Variants in AGAP1 observed in about 807,000 individuals in gnomAD.
AGAP1 encodes the protein ArfGAP with GTPase domain, ankyrin repeat and PH domain 1.
Under a neutral mutation model 105.3 loss-of-function variants are expected in AGAP1, and 29 were observed. That is an observed-to-expected ratio of 0.28 (90% CI 0.21 to 0.38). The LOEUF (loss-of-function observed/expected upper bound fraction) is 0.38. AGAP1 is among the 10% of genes least tolerant of loss of function. The pLI is 1.00. For missense variants in AGAP1, 998 were observed against 1,165.1 expected, an observed-to-expected ratio of 0.86 and a Z score of 2.09; for synonymous variants, 509 against 485.9, an observed-to-expected ratio of 1.05 and a Z score of -0.63.
At chr2:235,860,475 G>C (rs2048884334) in intron 9 of AGAP1, among the ~76,000 whole-genome samples, 1 of 152,046 alleles carries the variant, frequency 6.6e-6, no homozygotes, top group Non-Finnish European at 1.5e-5. Context: ...TCACATCACA[G>C]ATACGTATTT....
In AGAP1 at chr2:235,610,972, T is replaced by G. The variant is rs2149253794; in HGVS notation, c.164-98207T>G. Among the ~76,000 whole-genome samples the G allele has an allele frequency of 6.6e-6, 1 of 152,252 alleles. No individual in the cohort carries two copies. The highest frequency in any genetic ancestry group is 3.4e-3 in the Middle Eastern group (1 of 294). On this transcript the variant is annotated intron_variant, in intron 1 of 17. Transcript: ENST00000304032. The surrounding 1 kb of genome is among the most constrained non-coding windows in gnomAD (Gnocchi z 4.9). ...GTAGGATGGTTGACTGACGTTAGCT[T>G]GGCTTTCTTCCTAAGGCACCGTCTT... is the stretch of plus-strand genomic sequence containing the variant.
chr2:235,573,034 TTC>T (rs796245013), intron 1 of AGAP1, among the ~76,000 whole-genome samples: 1,175 of 24,212 alleles, frequency 0.049, 74 homozygotes, highest in African/African-American at 0.16. Context: ...CTTCTTCTTC[TTC>T]TTCTTCTTCT....
chr2:235,807,903 G>A (rs1233871583), intron 9 of AGAP1, among the ~76,000 whole-genome samples: 1 of 152,220 alleles, frequency 6.6e-6, no homozygotes, highest in Admixed American at 6.5e-5. Context: ...ATTTACAGCT[G>A]TAATGTGGGG....
At chr2:235,910,284 T>A in intron 11 of AGAP1, among the ~76,000 whole-genome samples, 1 of 152,408 alleles carries the variant, frequency 6.6e-6, no homozygotes, top group Non-Finnish European at 1.5e-5. Flanking sequence ...CCTGCCTGTG[T>A]TGCAGGGGGG....
chr2:235,686,646 GA>G (rs1949442972), intron 1 of AGAP1, among the ~76,000 whole-genome samples: 2 of 18,824 alleles, frequency 1.1e-4, no homozygotes, highest in Non-Finnish European at 2.0e-4. Context: ...TATATATATA[GA>G]TATATATATA....
rs2056841871 is a variant in AGAP1, at chr2:236,020,280, A to G, written c.1646-16281A>G. The stretch of plus-strand genomic sequence containing the variant: ...TAAGCCCCAGTACTCAAGCACCCAG[A>G]TTCTCTCTGTTTTCAAAGAAAATTG... On this transcript the variant is annotated intron_variant, in intron 13 of 17. Transcript: ENST00000304032. The surrounding 1 kb of genome is among the most constrained non-coding windows in gnomAD (Gnocchi z 5.0). 6.6e-6 allele frequency among the ~76,000 whole-genome samples: 1 copy of G among 152,202 alleles called. No homozygotes were observed. The highest frequency in any genetic ancestry group is 2.1e-4 in the South Asian group (1 of 4,828).
At chr2:235,772,795 C>T (rs1320306724) in intron 6 of AGAP1, among the ~76,000 whole-genome samples, 3 of 152,170 alleles carry the variant, frequency 2.0e-5, no homozygotes, top group Non-Finnish European at 2.9e-5. Context: ...AGGCAGAGGC[C>T]GCCCTCGGAG....
intron 13 of AGAP1, among the ~76,000 whole-genome samples, chr2:235,972,422 T>TC (rs766920907): frequency 3.9e-5 from 6 of 152,098 alleles, no homozygotes; most frequent in Non-Finnish European, 8.8e-5. Context: ...GGGATGGGGC[T>TC]CCCCGGCTGG....
At chr2:235,826,404 T>A (rs1218473425) in intron 9 of AGAP1, among the ~76,000 whole-genome samples, 4 of 152,184 alleles carry the variant, frequency 2.6e-5, no homozygotes, top group African/African-American at 9.7e-5. Flanking sequence ...TCTACTTTCG[T>A]CTCCGTTGCT....
rs2055008904 is a variant in AGAP1, at chr2:235,979,686, C to T, written c.1645+11063C>T. 1.3e-5 allele frequency among the ~76,000 whole-genome samples: 2 copies of T among 152,078 alleles called. No individual in the cohort carries two copies. Among genetic ancestry groups the T allele is most frequent in the Admixed American group, 1.3e-4 (2 of 15,254 alleles). ...GCACGTGGGACATGGAGAAAATTGGCCATTTGTCTGTGGGGTAATGGGCTT... is the reference window on the plus strand; with the variant it reads ...GCACGTGGGACATGGAGAAAATTGGTCATTTGTCTGTGGGGTAATGGGCTT... On this transcript the variant is annotated intron_variant, in intron 13 of 17. Transcript: ENST00000304032. The surrounding 1 kb of genome is among the most constrained non-coding windows in gnomAD (Gnocchi z 4.5).
At position 235,720,382 on chromosome 2, in the gene AGAP1, G is replaced by A. The variant is rs11694745; in HGVS notation, c.310+2738G>A. On this transcript the variant is annotated intron_variant, in intron 3 of 17. Coordinates refer to ENST00000304032, the MANE Select transcript of AGAP1 (RefSeq NM_001037131.3). This position sits in a 1 kb window ranked among gnomAD's most constrained non-coding sequence, Gnocchi z 5.0. Reference sequence around the variant, plus strand: ...ACTATCAAAGGGATGTGTTGTCCTCGGGGAGTGCTGGAGGCTGACAAAGCT... The same window carrying A: ...ACTATCAAAGGGATGTGTTGTCCTCAGGGAGTGCTGGAGGCTGACAAAGCT... 7.9e-5 allele frequency among the ~76,000 whole-genome samples: 12 copies of A among 152,190 alleles called. No homozygotes were observed. Among genetic ancestry groups the A allele is most frequent in the Admixed American group, 2.0e-4 (3 of 15,290 alleles).
In AGAP1 at chr2:235,551,310, G is replaced by C. The variant is rs1304600005; in HGVS notation, c.163+56461G>C. On this transcript the variant is annotated intron_variant, in intron 1 of 17. Transcript: ENST00000304032. The surrounding 1 kb of genome is among the most constrained non-coding windows in gnomAD (Gnocchi z 4.8). Reference sequence around the variant, plus strand: ...AGGGTGAGGAGAGAGGGGCTAGACAGATTTTTTTTTTTGAGACAAGGTCTC... The same window carrying C: ...AGGGTGAGGAGAGAGGGGCTAGACACATTTTTTTTTTTGAGACAAGGTCTC... Among the ~76,000 whole-genome samples the C allele has an allele frequency of 6.7e-6, 1 of 149,744 alleles. No homozygotes were observed. The highest frequency in any genetic ancestry group is 1.5e-5 in the Non-Finnish European group (1 of 67,946).
chr2:236,067,657 T>G (rs1407993410), intron 16 of AGAP1, among the ~76,000 whole-genome samples: 2 of 152,232 alleles, frequency 1.3e-5, no homozygotes, highest in Admixed American at 6.5e-5. Context: ...TGGCCAAGAC[T>G]GGGAGTAACA....
At chr2:235,852,377 C>T (rs866548194) in intron 9 of AGAP1, among the ~76,000 whole-genome samples, 31 of 151,978 alleles carry the variant, frequency 2.0e-4, no homozygotes, top group African/African-American at 6.5e-4. Flanking sequence ...TCCTAGCGTG[C>T]GCGGAGGGGG....
intron 1 of AGAP1, among the ~76,000 whole-genome samples, chr2:235,657,468 T>C (rs1947810508): frequency 6.6e-6 from 1 of 152,138 alleles, no homozygotes; most frequent in African/African-American, 2.4e-5. Context: ...AACCTCTGCC[T>C]CTCGGGTTCA....
rs1946824885 is a variant in AGAP1 at position 235,631,353 on chromosome 2, C to G, written c.164-77826C>G. On this transcript the variant is annotated intron_variant, in intron 1 of 17. Coordinates refer to ENST00000304032, the MANE Select transcript of AGAP1 (RefSeq NM_001037131.3). This position sits in a 1 kb window ranked among gnomAD's most constrained non-coding sequence, Gnocchi z 5.4. ...GCGCAAGGAAGGACGATGGATTAGC[C>G]AACCATGACCGGCCAGGCTGTGCGA... Among the ~76,000 whole-genome samples, 1 of 152,162 alleles carries G rather than the reference C, an allele frequency of 6.6e-6. No individual in the cohort carries two copies. The highest frequency in any genetic ancestry group is 2.1e-4 in the South Asian group (1 of 4,826).
intron 10 of AGAP1, among the ~76,000 whole-genome samples, chr2:235,899,805 G>A (rs750907648): frequency 1.3e-5 from 2 of 152,106 alleles, no homozygotes; most frequent in Admixed American, 1.3e-4. Flanking sequence ...GGCATGCATC[G>A]TACAGGCTAG....
rs1258346371 is a variant in AGAP1, at chr2:235,855,741, G to A, written c.1051-27604G>A. Among the ~76,000 whole-genome samples the A allele has an allele frequency of 1.3e-5, 2 of 152,152 alleles. No homozygotes were observed. The highest frequency in any genetic ancestry group is 4.8e-5 in the African/African-American group (2 of 41,432). On this transcript the variant is annotated intron_variant, in intron 9 of 17. Coordinates refer to ENST00000304032, the MANE Select transcript of AGAP1 (RefSeq NM_001037131.3). The surrounding 1 kb of genome is among the most constrained non-coding windows in gnomAD (Gnocchi z 5.0). ...TATTTGTTTGAATTGGAGACTGGGT[G>A]TTGGTAAATGGGTGACAGTGACAAG...
rs1403973304 is a variant in AGAP1 at position 235,905,493 on chromosome 2, T to C, written c.1156-3245T>C. Reference sequence around the variant, plus strand: ...ACCACTCTACGGTGTGCTTTTCCTTTCTTTTCTCTTTTCTTTTCTTTTTGA... The same window carrying C: ...ACCACTCTACGGTGTGCTTTTCCTTCCTTTTCTCTTTTCTTTTCTTTTTGA... On this transcript the variant is annotated intron_variant, in intron 10 of 17. Coordinates refer to ENST00000304032, the MANE Select transcript of AGAP1 (RefSeq NM_001037131.3). This position sits in a 1 kb window ranked among gnomAD's most constrained non-coding sequence, Gnocchi z 4.2. Among the ~76,000 whole-genome samples, 1 of 152,094 alleles carries C rather than the reference T, an allele frequency of 6.6e-6. No homozygotes were observed. Among genetic ancestry groups the C allele is most frequent in the African/African-American group, 2.4e-5 (1 of 41,370 alleles).
Sources: gnomAD v4.1 joint callset for allele counts (sites outside exome capture counted in the v4.1 genomes callset) on GRCh38, gnomAD v4.1.1 for gene constraint, Gnocchi (gnomAD v3.1) non-coding constraint, MANE v1.5 for transcripts, NCBI Gene and HGNC (gene_info 2026-07-23, HGNC 2026-07-21) for gene names.